RBFOX2: variants seen among roughly 807,000 people sequenced by gnomAD.
RBFOX2 encodes the protein RNA binding fox-1 homolog 2.
RBFOX2 carries 10 observed loss-of-function variants against 49.1 expected under a neutral mutation model. The observed-to-expected ratio is 0.20, with a 90% CI of 0.13 to 0.35. The LOEUF (loss-of-function observed/expected upper bound fraction) is 0.35. Ranked by LOEUF, RBFOX2 falls within the 10% of genes least tolerant of loss-of-function variation. The pLI, the probability that RBFOX2 is intolerant of heterozygous loss-of-function variation, is 1.00. For synonymous variants in RBFOX2, 183 were observed against 187.4 expected (o/e 0.98, Z 0.19); for missense variants, 323 against 486.9 (o/e 0.66, Z 3.17).
intron 1 of RBFOX2, among the ~76,000 whole-genome samples, chr22:35,907,943 T>G (rs2049310505): frequency 6.6e-6 from 1 of 152,116 alleles, no homozygotes; most frequent in Non-Finnish European, 1.5e-5. Context: ...CACTGTGCTC[T>G]ACCCAAAATT....
intron 5 of RBFOX2, among the ~76,000 whole-genome samples, chr22:35,768,018 C>T (rs1332239744): frequency 1.3e-5 from 2 of 152,066 alleles, no homozygotes; most frequent in Admixed American, 1.3e-4. Context: ...CACACACACA[C>T]GCACACACAC....
At chr22:35,742,463 A>G (rs950283837) in exon 12 of RBFOX2, 1 of 152,684 alleles carries the variant, frequency 6.5e-6, no homozygotes, top group African/African-American at 2.4e-5. Context: ...ATCAGTCAAG[A>G]ACATGTGTGG....
intron 4 of RBFOX2, among the ~76,000 whole-genome samples, chr22:35,773,579 A>T (rs2146850280): frequency 6.6e-6 from 1 of 152,198 alleles, no homozygotes; most frequent in African/African-American, 2.4e-5. Flanking sequence ...AAAGAAAAAA[A>T]ATTGCTAGAA....
At chr22:35,864,189 T>G (rs749356613) in intron 1 of RBFOX2, among the ~76,000 whole-genome samples, 5 of 152,186 alleles carry the variant, frequency 3.3e-5, no homozygotes, top group Non-Finnish European at 5.9e-5. Flanking sequence ...ACATAAAATA[T>G]CAAAAAATAA....
At chr22:35,801,748 C>G (rs1949831074) in intron 2 of RBFOX2, among the ~76,000 whole-genome samples, 1 of 152,148 alleles carries the variant, frequency 6.6e-6, no homozygotes, top group African/African-American at 2.4e-5. Flanking sequence ...TCGCTTGAAC[C>G]TGGGAGGCTG....
intron 1 of RBFOX2, among the ~76,000 whole-genome samples, chr22:35,976,958 C>T (rs1386671171): frequency 7.0e-6 from 1 of 143,358 alleles, no homozygotes; most frequent in Non-Finnish European, 1.5e-5. Context: ...ACCGAGACTC[C>T]GTCTCAAAAA....
At chr22:35,804,173 G>A (rs1211337447) in intron 2 of RBFOX2, among the ~76,000 whole-genome samples, 1 of 152,026 alleles carries the variant, frequency 6.6e-6, no homozygotes, top group Non-Finnish European at 1.5e-5. Flanking sequence ...AGCTACTTGG[G>A]AGGCTGAGGC....
chr22:35,875,122 T>C (rs1253676066), intron 1 of RBFOX2, among the ~76,000 whole-genome samples: 1 of 152,174 alleles, frequency 6.6e-6, no homozygotes, highest in Non-Finnish European at 1.5e-5. Flanking sequence ...GCTGGCTCCT[T>C]GGTCTTGGAC....
intron 1 of RBFOX2, among the ~76,000 whole-genome samples, chr22:35,984,332 T>TCTGCC (rs770561023): frequency 1.3e-5 from 2 of 152,190 alleles, no homozygotes; most frequent in Non-Finnish European, 2.9e-5. Flanking sequence ...ATTGAGAACC[T>TCTGCC]CTGCCCTATG....
At chr22:35,813,146 G>A (rs1952257919) in intron 1 of RBFOX2, among the ~76,000 whole-genome samples, 1 of 152,134 alleles carries the variant, frequency 6.6e-6, no homozygotes, top group Non-Finnish European at 1.5e-5. Context: ...AACAACAATT[G>A]TTTATATATT....
intron 1 of RBFOX2, among the ~76,000 whole-genome samples, chr22:36,018,511 G>A (rs1207244948): frequency 6.6e-6 from 1 of 152,166 alleles, no homozygotes; most frequent in African/African-American, 2.4e-5. Flanking sequence ...GGAAAGAGAC[G>A]GAGCTTGAAA....
chr22:35,741,279 G>C (rs1416305149), exon 12 of RBFOX2: 1 of 152,220 alleles, frequency 6.6e-6, no homozygotes, highest in Non-Finnish European at 1.5e-5. Flanking sequence ...TCCAGGTCAT[G>C]AACTATAGTA....
At chr22:35,783,543 T>TG (rs953570834) in intron 2 of RBFOX2, among the ~76,000 whole-genome samples, 31 of 151,882 alleles carry the variant, frequency 2.0e-4, no homozygotes, top group African/African-American at 5.8e-4. Context: ...AAAGCGAGTT[T>TG]GGGGGGGCAC....
At chr22:35,933,963 A>G (rs1232097653) in intron 1 of RBFOX2, among the ~76,000 whole-genome samples, 1 of 127,592 alleles carries the variant, frequency 7.8e-6, no homozygotes, top group South Asian at 2.2e-4. Flanking sequence ...TACACACATC[A>G]ATGAAATAAA....
chr22:35,851,358 G>A (rs2041912497), intron 1 of RBFOX2, among the ~76,000 whole-genome samples: 1 of 152,106 alleles, frequency 6.6e-6, no homozygotes, highest in Non-Finnish European at 1.5e-5. Context: ...AACATCTATT[G>A]CAGACAAAAT....
chr22:35,918,979 T>C (rs953808749), intron 1 of RBFOX2, among the ~76,000 whole-genome samples: 1 of 151,080 alleles, frequency 6.6e-6, no homozygotes, highest in Non-Finnish European at 1.5e-5. Flanking sequence ...AAACATGTTT[T>C]CCCACCATAA....
At chr22:35,913,824 A>G (rs2050104424) in intron 1 of RBFOX2, among the ~76,000 whole-genome samples, 1 of 152,064 alleles carries the variant, frequency 6.6e-6, no homozygotes, top group East Asian at 1.9e-4. Flanking sequence ...GAAAGAGAAA[A>G]GAAAATATCT....
chr22:35,755,731 G>A (rs984502784), intron 9 of RBFOX2, among the ~76,000 whole-genome samples: 1 of 152,060 alleles, frequency 6.6e-6, no homozygotes, highest in African/African-American at 2.4e-5. Flanking sequence ...AGCTAGTCCT[G>A]TTATTTATGT....
chr22:35,828,822 C>T (rs1005676509), intron 1 of RBFOX2, among the ~76,000 whole-genome samples: 1 of 152,060 alleles, frequency 6.6e-6, no homozygotes, highest in Admixed American at 6.6e-5. Context: ...GAGGCCGAGG[C>T]GGGCGGATCT....
Sources: gnomAD v4.1 joint callset for allele counts (sites outside exome capture counted in the v4.1 genomes callset) on GRCh38, gnomAD v4.1.1 for gene constraint, MANE v1.5 for transcripts, NCBI Gene and HGNC (gene_info 2026-07-23, HGNC 2026-07-21) for gene names.